Variants in EPG5 observed in about 807,000 individuals in gnomAD.
The protein encoded by EPG5 is ectopic P-granules 5 autophagy tethering factor, also known as ectopic P granules protein 5 homolog.
In EPG5, 159 loss-of-function variants were observed where a neutral mutation model predicts 302.7. That is an observed-to-expected ratio of 0.53 (90% confidence interval 0.46 to 0.60). The LOEUF (loss-of-function observed/expected upper bound fraction) is 0.60. Among genes scored for constraint, EPG5 ranks in the 20% least tolerant of loss-of-function variants. The probability of loss-of-function intolerance (pLI) is 0.00; values close to 1 mark genes in which losing one functional copy is unlikely to be tolerated. For synonymous variants in EPG5, 1,158 were observed against 1,136.8 expected, an observed-to-expected ratio of 1.02 and a Z score of -0.37; for missense variants, 2,896 against 3,092.4, an observed-to-expected ratio of 0.94 and a Z score of 1.51.
Position 45,908,090 on chromosome 18 carries a change from T to C in EPG5, c.4206-9A>G, listed in dbSNP as rs770160545. 2.7e-6 allele frequency: 4 copies of C among 1,498,320 alleles called. No homozygotes were observed. Among genetic ancestry groups the C allele is most frequent in the Non-Finnish European group, 3.6e-6 (4 of 1,104,430 alleles). The allele number at this position is 1,498,320 out of a possible 1,614,324, so 92.8% of individuals were successfully genotyped here. A position where few individuals can be genotyped will look rare whatever the true frequency, so the allele number is the denominator to read the frequency against. On this transcript the variant is annotated splice_polypyrimidine_tract_variant and intron_variant, in intron 23 of 43. Transcript: ENST00000282041. ...TATATACATTGAAGAGCCTAAAAGA[T>C]AAAAACATAATTATACGAAACATAA...
In EPG5 at chr18:45,936,720, C is replaced by CAA. The variant is rs762675563; in HGVS notation, c.2100-1756_2100-1755dup. On this transcript the variant is annotated intron_variant, in intron 10 of 43. Coordinates refer to ENST00000282041, the MANE Select transcript of EPG5 (RefSeq NM_020964.3). ...TGGACAACAGAGTGAGACTCCATTT[C>CAA]AAAAAAAAAAAAAAAAAAAGGAAAT... Among the ~76,000 whole-genome samples, 453 of 53,748 alleles carry CAA rather than the reference C, an allele frequency of 8.4e-3. 13 individuals are homozygous for CAA. The highest frequency in any genetic ancestry group is 0.029 in the African/African-American group (389 of 13,606). 35.3% of individuals were successfully genotyped at this position (53,748 alleles called of 152,430 possible).
chr18:45,882,375 T>C lies in EPG5; in HGVS notation c.5417A>G (p.Asp1806Gly). ...GAAAAGATTAAATGGCATCAAAATA[T>C]CCTCATCTGGTTCAAGGCCCCAGGC... ...LTAWGLEPDE[D>G]ILMPFNLFCK... The change falls in exon 31 of 44, where the codon GAT (aspartate) becomes GGT (glycine). Residue 1806 changes from aspartate to glycine, a missense_variant. Around this residue, in one of 5 missense-constraint regions of EPG5, gnomAD observed 790 missense variants for 798.0 expected, o/e 0.99. Coordinates refer to ENST00000282041, the MANE Select transcript of EPG5 (RefSeq NM_020964.3). The C allele has an allele frequency of 2.5e-6, 4 of 1,614,166 alleles. No homozygotes were observed. Among genetic ancestry groups the C allele is most frequent in the South Asian group, 1.1e-5 (1 of 91,086 alleles).
At chr18:45,912,810 G>A (rs940184812) in intron 21 of EPG5, among the ~76,000 whole-genome samples, 5 of 152,148 alleles carry the variant, frequency 3.3e-5, no homozygotes, top group East Asian at 3.9e-4. Context: ...AAGTAAAGCC[G>A]GGGACAGTGG....
rs2049572232 is a variant in EPG5, at chr18:45,900,055, C to A, written c.4647-489G>T. Among the ~76,000 whole-genome samples, 2 of 152,138 alleles carry A rather than the reference C, an allele frequency of 1.3e-5. 1 individual carries two copies. Among genetic ancestry groups the A allele is most frequent in the South Asian group, 4.1e-4 (2 of 4,834 alleles). On this transcript the variant is annotated intron_variant, in intron 26 of 43. Coordinates refer to ENST00000282041, the MANE Select transcript of EPG5 (RefSeq NM_020964.3). ...CAGGTGCTTATATGTGCACTCAACACACACGCAACAAATGCCTGGACCAAA... is the reference window on the plus strand; with the variant it reads ...CAGGTGCTTATATGTGCACTCAACAAACACGCAACAAATGCCTGGACCAAA...
In EPG5 at chr18:45,925,754, C is replaced by A. The variant is rs201315023; in HGVS notation, c.2702G>T (p.Trp901Leu). 183 of 1,553,162 alleles carry A rather than the reference C, an allele frequency of 1.2e-4. No homozygotes were observed. The highest frequency in any genetic ancestry group is 1.5e-4 in the Non-Finnish European group (169 of 1,155,790). The change falls in exon 14 of 44, where the codon TGG becomes TTG. Residue 901 changes from tryptophan (W) to leucine (L), a missense_variant. Coordinates refer to ENST00000282041, the MANE Select transcript of EPG5 (RefSeq NM_020964.3). ...AACACATACCTGTTTAGCAAATCCC[C>A]AATTCAGTCCTTCAAGAATAACACA... Reference protein sequence around the residue: ...LACVILEGLNWGFAKQATLHL... With the variant: ...LACVILEGLNLGFAKQATLHL...
At chr18:45,917,852 A>C (rs1444129343) in intron 16 of EPG5, 33 bp from the exon 17 acceptor site, 1 of 1,611,230 alleles carries the variant, frequency 6.2e-7, no homozygotes, top group Non-Finnish European at 8.5e-7. Flanking sequence ...TGAATACACA[A>C]GGGAGCTGGT....
intron 29 of EPG5, 66 bp downstream of exon 29, chr18:45,887,685 T>C: frequency 1.5e-6 from 2 of 1,331,948 alleles, no homozygotes; most frequent in Non-Finnish European, 9.9e-7. Flanking sequence ...GCTGACTATA[T>C]CCAAAGAAGA....
chr18:45,889,978 C>CA, intron 27 of EPG5, 38 bp from the exon 28 acceptor site: 1 of 1,515,078 alleles, frequency 6.6e-7, no homozygotes, highest in Non-Finnish European at 8.9e-7. Context: ...CATTTCCCCC[C>CA]ATGTGTCAGG....
chr18:45,952,956 G>A lies in EPG5; in HGVS notation c.1009-313C>T, dbSNP rs141711267. Among the ~76,000 whole-genome samples the A allele has an allele frequency of 6.6e-3, 1,011 of 152,196 alleles. 13 individuals are homozygous for A. Among genetic ancestry groups the A allele is most frequent in the African/African-American group, 0.022 (932 of 41,544 alleles). On this transcript the variant is annotated intron_variant, in intron 2 of 43. Coordinates refer to ENST00000282041, the MANE Select transcript of EPG5 (RefSeq NM_020964.3). Reference sequence around the variant, plus strand: ...TGGGAGGCCGAGGCAGGTGGATCACGAAGTCAGGAGTTTGAGACCAGCCTG... The same window carrying A: ...TGGGAGGCCGAGGCAGGTGGATCACAAAGTCAGGAGTTTGAGACCAGCCTG...
chr18:45,903,821 A>T, intron 25 of EPG5, 152 bp downstream of exon 25: 2 of 725,194 alleles, frequency 2.8e-6, no homozygotes, highest in Non-Finnish European at 4.2e-6. Flanking sequence ...GTTGCAATTT[A>T]CACCATTGTG....
the EPG5 span, among the ~76,000 whole-genome samples, chr18:45,816,595 C>T: frequency 1.3e-5 from 2 of 152,084 alleles, no homozygotes; most frequent in African/African-American, 4.8e-5. Flanking sequence ...TTACATAATG[C>T]AGGAATGGCC....
chr18:45,882,096 T>C (rs1170435297), intron 31 of EPG5, among the ~76,000 whole-genome samples, 178 bp downstream of exon 31: 2 of 152,228 alleles, frequency 1.3e-5, no homozygotes, highest in African/African-American at 2.4e-5. Flanking sequence ...TAACTGGCCA[T>C]ATTTACAGTA....
chr18:45,827,117 C>T, the EPG5 span, among the ~76,000 whole-genome samples: 1 of 152,194 alleles, frequency 6.6e-6, no homozygotes, highest in South Asian at 2.1e-4. Context: ...AATTTTGCCA[C>T]GTTGTCCAGC....
chr18:45,962,102 G>C (rs1192348908), intron 1 of EPG5, among the ~76,000 whole-genome samples: 1 of 152,094 alleles, frequency 6.6e-6, no homozygotes, highest in Admixed American at 6.6e-5. Flanking sequence ...GCCTAGAATA[G>C]TTTTCGGAAC....
At chr18:45,949,268 A>T (rs913111453) in intron 5 of EPG5, among the ~76,000 whole-genome samples, 2 of 152,234 alleles carry the variant, frequency 1.3e-5, no homozygotes, top group Admixed American at 6.5e-5. Flanking sequence ...CCAGACTACA[A>T]GCAGACTTAG....
chr18:45,830,583 C>CTTTTTTTTTTTTTTTTTTT, the EPG5 span, among the ~76,000 whole-genome samples: 1 of 96,702 alleles, frequency 1.0e-5, no homozygotes, highest in Non-Finnish European at 1.9e-5. Context: ...ATTTTTCTTT[C>CTTTTTTTTTTTTTTTTTTT]TTTTTTTTTT....
At chr18:45,836,729 G>A in the EPG5 span, among the ~76,000 whole-genome samples, 1 of 152,212 alleles carries the variant, frequency 6.6e-6, no homozygotes, top group Non-Finnish European at 1.5e-5. Context: ...AGCCAGTCAG[G>A]GCACAGTTCA....
the EPG5 span, chr18:45,842,001 C>A: frequency 9.5e-7 from 1 of 1,054,006 alleles, no homozygotes; most frequent in Non-Finnish European, 1.5e-6. Flanking sequence ...AGCCGCACTG[C>A]TCCCCAGAAT....
rs748889721 is a variant in EPG5, at chr18:45,870,538, G to A, written c.6225+29C>T. The A allele has an allele frequency of 7.5e-6, 12 of 1,604,436 alleles. No individual in the cohort carries two copies. The South Asian group carries it at 1.3e-4, about 18-fold the overall frequency. On this transcript the variant is annotated intron_variant, in intron 36 of 43. Coordinates refer to ENST00000282041, the MANE Select transcript of EPG5 (RefSeq NM_020964.3). ...GCTCCCTAGAAGCCAGATCTCTCTA[G>A]GCTGCGATGCCGGGAATGAAGGGCT...
Sources: allele counts gnomAD v4.1 joint callset (sites outside exome capture counted in the v4.1 genomes callset), GRCh38; gene constraint gnomAD v4.1.1; regional missense constraint gnomAD v4.1.1; transcripts MANE v1.5; gene names NCBI Gene and HGNC (gene_info 2026-07-23, HGNC 2026-07-21).